Variants in TMEM26 observed in about 807,000 individuals in gnomAD.
The protein encoded by TMEM26 is transmembrane protein 26.
TMEM26 carries 38 observed loss-of-function variants against 28.8 expected under a neutral mutation model. That is an observed-to-expected ratio of 1.32 (90% CI 1.02 to 1.73). The LOEUF (loss-of-function observed/expected upper bound fraction) is 1.73, where lower values mean the gene tolerates loss of function less well. Ranked by LOEUF, TMEM26 falls within the 40% of genes most tolerant of loss-of-function variation. TMEM26 has a pLI of 0.00. For missense variants in TMEM26, 518 were observed against 447.1 expected, an observed-to-expected ratio of 1.16 and a Z score of -1.43; for synonymous variants, 227 against 182.9, an observed-to-expected ratio of 1.24 and a Z score of -1.95.
At position 61,453,253 on chromosome 10, in the gene TMEM26, C is replaced by T. The variant is rs186874689; in HGVS notation, c.-172G>A. The T allele has an allele frequency of 9.0e-4, 600 of 666,502 alleles. 6 individuals carry two copies. The African/African-American group carries it at 9.9e-3, about 11-fold the overall frequency. 41.3% of individuals were successfully genotyped at this position (666,502 alleles called of 1,614,324 possible). On this transcript the variant is annotated 5_prime_UTR_variant, in exon 1 of 6. Coordinates refer to ENST00000399298, the MANE Select transcript of TMEM26 (RefSeq NM_178505.8). ...CCGGTAGAACTGGTGCGCGGCTCGC[C>T]CCTCCCCCAAACTTCCTGAGAACTC...
chr10:61,420,103 A>G (rs574369463), intron 4 of TMEM26, among the ~76,000 whole-genome samples: 1 of 152,362 alleles, frequency 6.6e-6, no homozygotes, highest in African/African-American at 2.4e-5. Context: ...TCGTATCAAT[A>G]ACATAAAGTC....
At chr10:61,420,723 TAAAA>T (rs200958809) in intron 4 of TMEM26, among the ~76,000 whole-genome samples, 11 of 142,430 alleles carry the variant, frequency 7.7e-5, no homozygotes, top group South Asian at 2.2e-4. Flanking sequence ...ATTTCCAGAT[TAAAA>T]AAAAAAAAAA....
At chr10:61,423,051 T>C (rs932170812) in intron 4 of TMEM26, among the ~76,000 whole-genome samples, 1 of 152,108 alleles carries the variant, frequency 6.6e-6, no homozygotes, top group African/African-American at 2.4e-5. Context: ...TTAACACATG[T>C]ATAGTGAATA....
intron 1 of TMEM26, among the ~76,000 whole-genome samples, chr10:61,446,774 G>A (rs61850632): frequency 8.2e-5 from 10 of 122,030 alleles, no homozygotes; most frequent in Admixed American, 6.6e-4. Context: ...AGCCGAGATC[G>A]CGCCACGGCA....
chr10:61,428,701 ATG>A (rs2135308297), intron 4 of TMEM26, among the ~76,000 whole-genome samples: 1 of 152,214 alleles, frequency 6.6e-6, no homozygotes, highest in South Asian at 2.1e-4. Flanking sequence ...AGAGAATATT[ATG>A]TGTCTCTTTC....
intron 1 of TMEM26, among the ~76,000 whole-genome samples, chr10:61,445,761 T>C (rs1840170495): frequency 6.6e-6 from 1 of 152,082 alleles, no homozygotes; most frequent in Admixed American, 6.5e-5. Flanking sequence ...TACCAAGACT[T>C]TACAGGAACT....
chr10:61,441,187 T>C (rs1840087005), intron 1 of TMEM26, among the ~76,000 whole-genome samples: 1 of 152,218 alleles, frequency 6.6e-6, no homozygotes, highest in African/African-American at 2.4e-5. Context: ...TTCCAGAGTA[T>C]CTGGCATGTG....
chr10:61,451,892 G>T lies in TMEM26; in HGVS notation c.191+999C>A, dbSNP rs549387120. Among the ~76,000 whole-genome samples, 138 of 151,690 alleles carry T rather than the reference G, an allele frequency of 9.1e-4. No individual in the cohort carries two copies. In the Middle Eastern group the frequency reaches 0.01, roughly 11 times the overall value. ...GTAGAGGGGTTGTTTCATTTTTTTT[G>T]AACACAATGACTATAATGCCATTGT... On this transcript the variant is annotated intron_variant, in intron 1 of 5. Coordinates refer to ENST00000399298, the MANE Select transcript of TMEM26 (RefSeq NM_178505.8).
At chr10:61,417,782 G>A (rs1055747270) in intron 4 of TMEM26, among the ~76,000 whole-genome samples, 1 of 151,924 alleles carries the variant, frequency 6.6e-6, no homozygotes, top group Non-Finnish European at 1.5e-5. Flanking sequence ...GAATGGCCAG[G>A]GAACTCTCCG....
chr10:61,425,179 T>C (rs1330057947), intron 4 of TMEM26, among the ~76,000 whole-genome samples: 1 of 152,102 alleles, frequency 6.6e-6, no homozygotes, highest in Non-Finnish European at 1.5e-5. Flanking sequence ...AACCTCCGTT[T>C]TTAAAACTAT....
At chr10:61,430,188 C>T (rs141617860) in intron 3 of TMEM26, among the ~76,000 whole-genome samples, 1 of 151,900 alleles carries the variant, frequency 6.6e-6, no homozygotes, top group Non-Finnish European at 1.5e-5. Flanking sequence ...AGAAACTAAG[C>T]GATTGTCCAG....
At chr10:61,415,035 T>G in intron 4 of TMEM26, 1 of 985,332 alleles carries the variant, frequency 1.0e-6, no homozygotes, top group Non-Finnish European at 1.2e-6. Flanking sequence ...ACTTCACATT[T>G]TATCATGACT....
chr10:61,431,266 A>G lies in TMEM26; in HGVS notation c.337T>C (p.Leu113=). Residue 113 remains leucine (L), a synonymous_variant, in exon 3 of 6, where the codon TTG becomes CTG. Coordinates refer to ENST00000399298, the MANE Select transcript of TMEM26 (RefSeq NM_178505.8). ...CTACTGGTTTGTTCATTGGATGTCA[A>G]TGTTTGATTGAAGTCTTCTTTTCTG... ...TSRKEDFNQT[L]TSNEQTSRAD... 6.2e-7 allele frequency: 1 copy of G among 1,613,172 alleles called. No individual in the cohort carries two copies. The highest frequency in any genetic ancestry group is 8.5e-7 in the Non-Finnish European group (1 of 1,179,376).
At chr10:61,416,849 T>G (rs1839660431) in intron 4 of TMEM26, among the ~76,000 whole-genome samples, 1 of 152,060 alleles carries the variant, frequency 6.6e-6, no homozygotes, top group Non-Finnish European at 1.5e-5. Flanking sequence ...TAGGGATAAA[T>G]GATATACTAA....
intron 1 of TMEM26, among the ~76,000 whole-genome samples, chr10:61,447,638 A>G (rs1445858355): frequency 6.6e-6 from 1 of 152,218 alleles, no homozygotes; most frequent in Non-Finnish European, 1.5e-5. Flanking sequence ...GTCTAGGGAT[A>G]CTGGAATAAT....
chr10:61,431,757 G>T (rs1313322000), intron 2 of TMEM26, among the ~76,000 whole-genome samples: 1 of 151,768 alleles, frequency 6.6e-6, no homozygotes, highest in Non-Finnish European at 1.5e-5. Context: ...GGTTTTGGGG[G>T]TTCACGTGCA....
At chr10:61,449,200 G>A (rs983256513) in intron 1 of TMEM26, among the ~76,000 whole-genome samples, 1 of 151,700 alleles carries the variant, frequency 6.6e-6, no homozygotes, top group Admixed American at 6.6e-5. Context: ...AGCTTAACGG[G>A]GGACATGTTG....
chr10:61,423,375 TATC>T (rs1839779120), intron 4 of TMEM26, among the ~76,000 whole-genome samples: 1 of 152,184 alleles, frequency 6.6e-6, no homozygotes, highest in African/African-American at 2.4e-5. Flanking sequence ...CAGAAAAAGA[TATC>T]ATTAGAAAAT....
intron 1 of TMEM26, among the ~76,000 whole-genome samples, chr10:61,445,533 A>G (rs1840165764): frequency 1.3e-5 from 2 of 152,114 alleles, no homozygotes; most frequent in Non-Finnish European, 2.9e-5. Context: ...TCCTTAAATA[A>G]CTATAGGTAA....
Sources: gnomAD v4.1 joint callset for allele counts (sites outside exome capture counted in the v4.1 genomes callset) on GRCh38, gnomAD v4.1.1 for gene constraint, MANE v1.5 for transcripts, NCBI Gene and HGNC (gene_info 2026-07-23, HGNC 2026-07-21) for gene names.